SDK2: variants seen among roughly 807,000 people sequenced by gnomAD.
SDK2 encodes the protein protein sidekick-2.
A neutral mutation model predicts 253.9 loss-of-function variants in SDK2; 105 were observed. The observed-to-expected ratio is 0.41, with a 90% CI of 0.35 to 0.49. The LOEUF is 0.49. SDK2 is among the 20% of genes least tolerant of loss of function. The probability of loss-of-function intolerance (pLI) is 0.06; values close to 1 mark genes in which losing one functional copy is unlikely to be tolerated. For synonymous variants in SDK2, 1,249 were observed against 1,234.9 expected, an observed-to-expected ratio of 1.01 and a Z score of -0.24; for missense variants, 2,608 against 3,003.0, an observed-to-expected ratio of 0.87 and a Z score of 3.07.
Position 73,380,429 on chromosome 17 carries a change from G to T in SDK2, c.4762+465C>A, listed in dbSNP as rs532689869. ...TGGGGCATGCAAGCAGCAGGAACAT[G>T]TCTGGTGCACGGGAGGACGACGGAC... On this transcript the variant is annotated intron_variant, in intron 34 of 44. Coordinates refer to ENST00000392650, the MANE Select transcript of SDK2 (RefSeq NM_001144952.2). Among the ~76,000 whole-genome samples the T allele has an allele frequency of 3.3e-4, 51 of 152,312 alleles. No homozygotes were observed. The South Asian group carries it at 9.7e-3, about 29-fold the overall frequency.
intron 3 of SDK2, among the ~76,000 whole-genome samples, chr17:73,468,689 A>T (rs868553967): frequency 2.7e-5 from 4 of 145,772 alleles, no homozygotes; most frequent in African/African-American, 5.2e-5. Flanking sequence ...TTTTTTTTTT[A>T]ATTTTTTTTT....
chr17:73,431,926 C>T lies in SDK2; in HGVS notation c.1313-257G>A, dbSNP rs1373537220. Among the ~76,000 whole-genome samples, 5 of 152,142 alleles carry T rather than the reference C, an allele frequency of 3.3e-5. No homozygotes were observed. Among genetic ancestry groups the T allele is most frequent in the Admixed American group, 3.3e-4 (5 of 15,282 alleles). On this transcript the variant is annotated intron_variant, in intron 10 of 44. Coordinates refer to ENST00000392650, the MANE Select transcript of SDK2 (RefSeq NM_001144952.2). The surrounding 1 kb of genome is among the most constrained non-coding windows in gnomAD (Gnocchi z 5.6). ...CCAGGTCCCCTGATGCTCCTGTGCC[C>T]GCCACACCACGTGCCCTTCAACAGA... is the stretch of plus-strand genomic sequence containing the variant.
At chr17:73,548,494 G>A (rs2045002978) in intron 1 of SDK2, among the ~76,000 whole-genome samples, 2 of 152,236 alleles carry the variant, frequency 1.3e-5, no homozygotes, top group Admixed American at 1.3e-4. Flanking sequence ...TCCTCCTGGG[G>A]TGGGGGACAG....
chr17:73,435,429 A>C lies in SDK2; in HGVS notation c.1195+21T>G. 1.9e-6 allele frequency: 3 copies of C among 1,572,534 alleles called. No homozygotes were observed. The highest frequency in any genetic ancestry group is 2.6e-6 in the Non-Finnish European group (3 of 1,157,468). ...CTGGGAAGAGGGGCTCACGGGCAGC[A>C]CAAGGGAAGGCCCAACTTACTGGTG... On this transcript the variant is annotated intron_variant, in intron 9 of 44. Transcript: ENST00000392650. This position sits in a 1 kb window ranked among gnomAD's most constrained non-coding sequence, Gnocchi z 5.7.
At chr17:73,362,122 C>T (rs1157032865) in intron 38 of SDK2, among the ~76,000 whole-genome samples, 1 of 152,218 alleles carries the variant, frequency 6.6e-6, no homozygotes. Context: ...TGAGTAGCCA[C>T]AGGGTCCATC....
chr17:73,380,337 C>A (rs1292553397), intron 34 of SDK2, among the ~76,000 whole-genome samples: 1 of 152,144 alleles, frequency 6.6e-6, no homozygotes, highest in Non-Finnish European at 1.5e-5. Context: ...GAGCACGAAA[C>A]CCTCTTGCCT....
At chr17:73,544,401 G>T (rs1227176876) in intron 1 of SDK2, among the ~76,000 whole-genome samples, 2 of 152,202 alleles carry the variant, frequency 1.3e-5, no homozygotes, top group African/African-American at 4.8e-5. Context: ...ACAGGGACTT[G>T]CCTGGCACAT....
At chr17:73,426,025 C>T (rs2063278897) in intron 12 of SDK2, among the ~76,000 whole-genome samples, 1 of 151,750 alleles carries the variant, frequency 6.6e-6, no homozygotes, top group African/African-American at 2.4e-5. Context: ...GCAATCTATT[C>T]AGCCATCCTA....
Position 73,395,986 on chromosome 17 carries a change from A to T in SDK2, c.3355-594T>A, listed in dbSNP as rs1463926097. On this transcript the variant is annotated intron_variant, in intron 24 of 44. Coordinates refer to ENST00000392650, the MANE Select transcript of SDK2 (RefSeq NM_001144952.2). The surrounding 1 kb of genome is among the most constrained non-coding windows in gnomAD (Gnocchi z 4.3). ...GGCTGCAGTGCCATGGTGCTGTCTC[A>T]GCTCACTGCAACCTCTACCTCCTGG... is the stretch of plus-strand genomic sequence containing the variant. Among the ~76,000 whole-genome samples the T allele has an allele frequency of 6.6e-6, 1 of 151,304 alleles. No individual in the cohort carries two copies. Among genetic ancestry groups the T allele is most frequent in the Non-Finnish European group, 1.5e-5 (1 of 67,862 alleles).
intron 18 of SDK2, among the ~76,000 whole-genome samples, 183 bp from the exon 19 acceptor site, chr17:73,402,324 C>T (rs944116656): frequency 1.3e-5 from 2 of 152,222 alleles, no homozygotes; most frequent in Non-Finnish European, 2.9e-5. Context: ...CACTTTGGGG[C>T]GCTTCTCCAC....
intron 1 of SDK2, among the ~76,000 whole-genome samples, chr17:73,509,830 GCGGAGGTTGCAGTGAGCCGAGAT>G (rs2145764832): frequency 6.9e-6 from 1 of 144,246 alleles, no homozygotes; most frequent in Admixed American, 7.1e-5. Context: ...AACTCAGGAG[GCGGAGGTTGCAGTGAGCCGAGAT>G]CGTGCCACTG....
intron 15 of SDK2, among the ~76,000 whole-genome samples, chr17:73,419,871 C>T (rs576017938): frequency 2.0e-5 from 3 of 150,438 alleles, no homozygotes; most frequent in African/African-American, 7.4e-5. Context: ...GAAACAGAGA[C>T]CCTGTCTCAA....
chr17:73,431,518 T>G lies in SDK2; in HGVS notation c.1464A>C (p.Ala488=). The G allele has an allele frequency of 6.2e-7, 1 of 1,612,482 alleles. No homozygotes were observed. The change falls in exon 11 of 45, where the codon GCA becomes GCC. Residue 488 remains alanine (A), a synonymous_variant. Transcript: ENST00000392650. This position sits in a 1 kb window ranked among gnomAD's most constrained non-coding sequence, Gnocchi z 5.6. ...CACACTCACCCCAAACGACTAGGTC[T>G]GCTGAGGCCTCATCGACCCCCCGAG... ...TNSRGVDEAS[A]DLVVWARTRI...
intron 1 of SDK2, among the ~76,000 whole-genome samples, chr17:73,579,786 G>T (rs544214870): frequency 3.4e-4 from 52 of 152,212 alleles, no homozygotes; most frequent in African/African-American, 8.9e-4. Flanking sequence ...AGACCAGCCT[G>T]GCCAACATGG....
chr17:73,608,920 G>A (rs1003244126), intron 1 of SDK2, among the ~76,000 whole-genome samples: 4 of 152,190 alleles, frequency 2.6e-5, no homozygotes, highest in Non-Finnish European at 4.4e-5. Context: ...GTGTCGCAGC[G>A]GAGAAGGATG....
chr17:73,526,277 T>C (rs2410772), intron 1 of SDK2, among the ~76,000 whole-genome samples: 103,875 of 151,826 alleles, frequency 0.68, 35,906 homozygotes, highest in East Asian at 0.8. Context: ...TTGGGGGAGA[T>C]GTGGCCGGCC....
chr17:73,605,738 CACTA>C (rs61036033), intron 1 of SDK2, among the ~76,000 whole-genome samples: 3,933 of 152,262 alleles, frequency 0.026, 175 homozygotes, highest in African/African-American at 0.089. Context: ...TTGGGTTCCT[CACTA>C]ACTATGAGCA....
intron 5 of SDK2, among the ~76,000 whole-genome samples, chr17:73,441,933 C>T (rs750350910): frequency 2.6e-5 from 4 of 152,156 alleles, no homozygotes; most frequent in Non-Finnish European, 4.4e-5. Flanking sequence ...CCACGAGGGC[C>T]GGGCCTCATG....
intron 44 of SDK2, among the ~76,000 whole-genome samples, chr17:73,347,453 G>A (rs994206991): frequency 1.3e-5 from 2 of 152,184 alleles, no homozygotes; most frequent in Non-Finnish European, 2.9e-5. Context: ...CCAGCTTTGA[G>A]CTAGGGAGTT....
Sources: gnomAD v4.1 joint callset for allele counts (sites outside exome capture counted in the v4.1 genomes callset) on GRCh38, gnomAD v4.1.1 for gene constraint, Gnocchi (gnomAD v3.1) non-coding constraint, MANE v1.5 for transcripts, NCBI Gene and HGNC (gene_info 2026-07-23, HGNC 2026-07-21) for gene names.